BAIAP2: variants seen among roughly 807,000 people sequenced by gnomAD.
BAIAP2 encodes the protein BAR/IMD domain containing adaptor protein 2, also known as BAR/IMD domain-containing adapter protein 2.
BAIAP2 carries 18 observed loss-of-function variants against 63.0 expected under a neutral mutation model. That is an observed-to-expected ratio of 0.29 (90% CI 0.20 to 0.42). BAIAP2 has a LOEUF of 0.42. Among genes scored for constraint, BAIAP2 ranks in the 10% least tolerant of loss-of-function variants. The probability of loss-of-function intolerance (pLI) is 1.00; values close to 1 mark genes in which losing one functional copy is unlikely to be tolerated. For missense variants in BAIAP2, 610 were observed against 734.3 expected (o/e 0.83, Z 1.96); for synonymous variants, 386 against 307.6 (o/e 1.25, Z -2.67).
chr17:81,069,751 A>G (rs1598620565), intron 3 of BAIAP2, among the ~76,000 whole-genome samples: 1 of 152,166 alleles, frequency 6.6e-6, no homozygotes, highest in East Asian at 1.9e-4. Context: ...GTACGTTCCT[A>G]GGCAAGGTTC....
At chr17:81,112,640 G>C (rs1383240803) in intron 13 of BAIAP2, among the ~76,000 whole-genome samples, 3 of 152,272 alleles carry the variant, frequency 2.0e-5, no homozygotes, top group Non-Finnish European at 4.4e-5. Context: ...CGAGAAGACA[G>C]AAAACAGGTG....
Position 81,046,822 on chromosome 17 carries a change from G to A in BAIAP2, c.55-6846G>A, listed in dbSNP as rs2047885918. Among the ~76,000 whole-genome samples, 1 of 152,146 alleles carries A rather than the reference G, an allele frequency of 6.6e-6. No homozygotes were observed. Among genetic ancestry groups the A allele is most frequent in the Middle Eastern group, 3.2e-3 (1 of 316 alleles). On this transcript the variant is annotated intron_variant, in intron 1 of 13. Transcript: ENST00000428708. The surrounding 1 kb of genome is among the most constrained non-coding windows in gnomAD (Gnocchi z 4.5). Reference sequence around the variant, plus strand: ...AGCCTGGCATCCTAGGCAGAGTCCCGTCAAGTCTACGTGGACCAGAGTCGT... The same window carrying A: ...AGCCTGGCATCCTAGGCAGAGTCCCATCAAGTCTACGTGGACCAGAGTCGT...
At chr17:81,035,467 G>C (rs898197660) in intron 1 of BAIAP2, among the ~76,000 whole-genome samples, 159 bp downstream of exon 1, 18 of 148,474 alleles carry the variant, frequency 1.2e-4, no homozygotes, top group African/African-American at 4.1e-4. Flanking sequence ...CGGGACCCGG[G>C]CTGCTGGGGT....
At position 81,106,663 on chromosome 17, in the gene BAIAP2, G is replaced by A. The variant is rs890639663; in HGVS notation, c.1338-82G>A. On this transcript the variant is annotated intron_variant, in intron 11 of 13. Transcript: ENST00000428708. ...CATGTGGCGTGGGCTAGGTGAGGGC[G>A]GGCAGTCCAGGGAGCCACAGGGTTG... 7.8e-6 allele frequency: 12 copies of A among 1,538,304 alleles called. No individual in the cohort carries two copies. In the African/African-American group the frequency reaches 8.2e-5, roughly 11 times the overall value.
intron 3 of BAIAP2, among the ~76,000 whole-genome samples, chr17:81,064,840 C>T (rs1049212227): frequency 6.6e-6 from 1 of 152,230 alleles, no homozygotes; most frequent in Non-Finnish European, 1.5e-5. Context: ...AGAGTTTCTG[C>T]AGTTAACTCT....
chr17:81,116,470 C>CCCCAGT lies in BAIAP2; in HGVS notation c.*633_*634insCAGTCC. 1.1e-6 allele frequency: 1 copy of CCCCAGT among 907,728 alleles called. No homozygotes were observed. Among genetic ancestry groups the CCCCAGT allele is most frequent in the Non-Finnish European group, 1.6e-6 (1 of 614,788 alleles). 56.2% of individuals were successfully genotyped at this position (907,728 alleles called of 1,614,324 possible). On this transcript the variant is annotated 3_prime_UTR_variant, in exon 14 of 14. Transcript: ENST00000428708. ...CCCTCCTGCCTCGGGCAGGCCCCAGCCCTCCTCCTTACCCAACCTCCCATC... is the reference window on the plus strand; with the variant it reads ...CCCTCCTGCCTCGGGCAGGCCCCAGCCCCAGTCCTCCTCCTTACCCAACCTCCCATC...
At chr17:81,056,186 T>C (rs2049527099) in intron 2 of BAIAP2, among the ~76,000 whole-genome samples, 1 of 152,184 alleles carries the variant, frequency 6.6e-6, no homozygotes, top group Admixed American at 6.5e-5. Flanking sequence ...CTTCCAACTG[T>C]GGTGACCCCA....
chr17:81,103,286 T>G (rs118053002), intron 7 of BAIAP2, among the ~76,000 whole-genome samples: 6 of 152,344 alleles, frequency 3.9e-5, no homozygotes, highest in Non-Finnish European at 8.8e-5. Flanking sequence ...GTCCCCCGAC[T>G]GCATGGCTTG....
At chr17:81,088,209 C>G (rs755639650) in intron 6 of BAIAP2, among the ~76,000 whole-genome samples, 1 of 152,070 alleles carries the variant, frequency 6.6e-6, no homozygotes, top group Non-Finnish European at 1.5e-5. Flanking sequence ...CCCTGAGCAC[C>G]GAGGCCAGGT....
chr17:81,088,369 G>T (rs1356240478), intron 6 of BAIAP2, among the ~76,000 whole-genome samples: 1 of 152,246 alleles, frequency 6.6e-6, no homozygotes, highest in East Asian at 1.9e-4. Flanking sequence ...GGCTCTGTGG[G>T]TTTTTGCTAA....
chr17:81,050,302 G>A (rs931482618), intron 1 of BAIAP2, among the ~76,000 whole-genome samples: 2 of 152,210 alleles, frequency 1.3e-5, no homozygotes, highest in African/African-American at 2.4e-5. Flanking sequence ...CCCGGCCGCC[G>A]CCCCTCTCTT....
intron 1 of BAIAP2, among the ~76,000 whole-genome samples, chr17:81,039,416 G>A (rs935035353): frequency 2.4e-4 from 37 of 152,228 alleles, no homozygotes; most frequent in African/African-American, 8.2e-4. Flanking sequence ...CTGCTGTGCC[G>A]TTGGTGGCTG....
In BAIAP2 at chr17:81,088,286, TACTGAGGCCAGTTC is replaced by T. The variant is rs534483125; in HGVS notation, c.489+1714_489+1727del. On this transcript the variant is annotated intron_variant, in intron 6 of 13. Coordinates refer to ENST00000428708, the MANE Select transcript of BAIAP2 (RefSeq NM_001144888.2). ...CAGCTTGGTGTTCTGGGGATGGGGA[TACTGAGGCCAGTTC>T]ACTGAGGGCTCAGCTGCCTGCTGGG... 2.6e-3 allele frequency among the ~76,000 whole-genome samples: 392 copies of T among 152,260 alleles called. 1 individual carries two copies. Among genetic ancestry groups the T allele is most frequent in the Non-Finnish European group, 4.0e-3 (271 of 68,016 alleles).
intron 1 of BAIAP2, among the ~76,000 whole-genome samples, chr17:81,051,972 G>C (rs7215806): frequency 0.62 from 94,455 of 152,154 alleles, 29,810 homozygotes; most frequent in Non-Finnish European, 0.69. Flanking sequence ...TTATACGTGC[G>C]AGCCACCGCA....
chr17:81,080,867 G>A (rs1191511979), intron 3 of BAIAP2, among the ~76,000 whole-genome samples: 2 of 152,148 alleles, frequency 1.3e-5, no homozygotes, highest in Non-Finnish European at 2.9e-5. Context: ...TAAAAAAAAT[G>A]GGATATGGCA....
At chr17:81,080,328 A>G (rs796423881) in intron 3 of BAIAP2, among the ~76,000 whole-genome samples, 8 of 152,344 alleles carry the variant, frequency 5.3e-5, no homozygotes, top group African/African-American at 1.9e-4. Flanking sequence ...TGTAAGGTGC[A>G]GTTTAAAAAT....
intron 6 of BAIAP2, chr17:81,098,345 C>T (rs1036319123): frequency 1.2e-5 from 6 of 511,738 alleles, no homozygotes; most frequent in Non-Finnish European, 1.8e-5. Context: ...AGTTTCCTCC[C>T]GAGGCTCACG....
intron 3 of BAIAP2, among the ~76,000 whole-genome samples, chr17:81,066,085 C>G (rs546201450): frequency 6.6e-6 from 1 of 152,256 alleles, no homozygotes; most frequent in Non-Finnish European, 1.5e-5. Context: ...GGCCCTGCCA[C>G]GGAACACCTG....
chr17:81,055,161 T>G (rs67198902), intron 2 of BAIAP2, among the ~76,000 whole-genome samples: 37,103 of 152,064 alleles, frequency 0.24, 5,357 homozygotes, highest in East Asian at 0.61. Context: ...GTTAGAGGTG[T>G]CAAGGACGGG....
Sources: gnomAD v4.1 joint callset for allele counts (sites outside exome capture counted in the v4.1 genomes callset) on GRCh38, gnomAD v4.1.1 for gene constraint, Gnocchi (gnomAD v3.1) non-coding constraint, MANE v1.5 for transcripts, NCBI Gene and HGNC (gene_info 2026-07-23, HGNC 2026-07-21) for gene names.